SPAG9: variants seen among roughly 807,000 people sequenced by gnomAD.
The protein encoded by SPAG9 is C-Jun-amino-terminal kinase-interacting protein 4.
A neutral mutation model predicts 166.5 loss-of-function variants in SPAG9; 35 were observed. The observed-to-expected ratio is 0.21, with a 90% confidence interval of 0.16 to 0.28. The LOEUF is 0.28. Among genes scored for constraint, SPAG9 ranks in the 10% least tolerant of loss-of-function variants. The probability of loss-of-function intolerance (pLI) is 1.00; values close to 1 mark genes in which losing one functional copy is unlikely to be tolerated. For missense variants in SPAG9, 1,235 were observed against 1,603.3 expected, an observed-to-expected ratio of 0.77 and a Z score of 3.92; for synonymous variants, 534 against 565.5, an observed-to-expected ratio of 0.94 and a Z score of 0.79.
chr17:51,030,631 A>T (rs2046348841), intron 6 of SPAG9, among the ~76,000 whole-genome samples: 1 of 152,186 alleles, frequency 6.6e-6, no homozygotes, highest in Admixed American at 6.5e-5. Flanking sequence ...AGAGTCTGTG[A>T]CCCAAAGGAA....
chr17:51,104,856 C>T (rs1298151963), intron 1 of SPAG9, among the ~76,000 whole-genome samples: 1 of 142,986 alleles, frequency 7.0e-6, no homozygotes, highest in Non-Finnish European at 1.5e-5. Flanking sequence ...TGGCGTGAAC[C>T]TGGGAGGCGG....
Position 51,120,386 on chromosome 17 carries a change from G to A in SPAG9, c.271C>T (p.Arg91Trp). 10 of 1,606,832 alleles carry A rather than the reference G, an allele frequency of 6.2e-6. No individual in the cohort carries two copies. The highest frequency in any genetic ancestry group is 7.6e-6 in the Non-Finnish European group (9 of 1,177,202). Residue 91 changes from arginine (R) to tryptophan (W), a missense_variant, in exon 1 of 30, where the codon CGG (arginine) becomes TGG (tryptophan). Transcript: ENST00000262013. The surrounding 1 kb of genome is among the most constrained non-coding windows in gnomAD (Gnocchi z 4.7). ...GCGTGCTTGCGCAGCGCCTTCTCCC[G>A]CTCGTACTGGGTGATGAGCTGCTCG... ...DNEQLITQYEREKALRKHAEE... is the reference protein window; with the variant it reads ...DNEQLITQYEWEKALRKHAEE...
intron 3 of SPAG9, among the ~76,000 whole-genome samples, chr17:51,053,836 TAA>T (rs1196039200): frequency 4.0e-5 from 1 of 25,288 alleles, no homozygotes; most frequent in African/African-American, 1.4e-4. Flanking sequence ...AGACCCTAAT[TAA>T]AAAAAAAAAA....
At chr17:50,972,625 A>G (rs552490601) in intron 28 of SPAG9, among the ~76,000 whole-genome samples, 3 of 152,354 alleles carry the variant, frequency 2.0e-5, no homozygotes, top group East Asian at 1.9e-4. Context: ...CCTTTGGTCA[A>G]ACTACACAGA....
intron 3 of SPAG9, among the ~76,000 whole-genome samples, chr17:51,054,296 T>A (rs993185898): frequency 4.4e-4 from 67 of 151,324 alleles, no homozygotes; most frequent in African/African-American, 1.6e-3. Context: ...TTGTATATAT[T>A]TTTTTTGGTA....
intron 1 of SPAG9, among the ~76,000 whole-genome samples, chr17:51,107,208 A>G (rs2048977470): frequency 6.6e-6 from 1 of 152,054 alleles, no homozygotes; most frequent in South Asian, 2.1e-4. Context: ...GGAATGGGAT[A>G]AGGTAGAACT....
intron 3 of SPAG9, among the ~76,000 whole-genome samples, chr17:51,051,947 C>T (rs2047195525): frequency 6.6e-6 from 1 of 152,178 alleles, no homozygotes; most frequent in South Asian, 2.1e-4. Context: ...GATTAGCATA[C>T]ACATGTGGGC....
chr17:51,021,492 G>C, intron 6 of SPAG9, 127 bp from the exon 7 acceptor site: 1 of 703,508 alleles, frequency 1.4e-6, no homozygotes, highest in Non-Finnish European at 2.3e-6. Flanking sequence ...AGGCAATAAA[G>C]AGCCACTGAT....
intron 25 of SPAG9, 35 bp downstream of exon 25, chr17:50,982,489 T>C (rs1974734788): frequency 1.3e-6 from 2 of 1,571,122 alleles, no homozygotes; most frequent in Non-Finnish European, 1.7e-6. Flanking sequence ...TAATACAAAT[T>C]CAATAAATAC....
intron 1 of SPAG9, among the ~76,000 whole-genome samples, chr17:51,115,378 A>G (rs2049255605): frequency 6.6e-6 from 1 of 151,582 alleles, no homozygotes; most frequent in Non-Finnish European, 1.5e-5. Context: ...TTTTTGGGGA[A>G]GAGGGGTCTC....
chr17:51,053,852 A>ATATATATATATAT (rs1276804629), intron 3 of SPAG9, among the ~76,000 whole-genome samples: 4 of 49,330 alleles, frequency 8.1e-5, no homozygotes, highest in Admixed American at 3.1e-4. Flanking sequence ...AAAAAAAAAA[A>ATATATATATATAT]AAGTATATAT....
At chr17:51,098,327 T>G (rs902863115) in intron 1 of SPAG9, among the ~76,000 whole-genome samples, 10 of 74,808 alleles carry the variant, frequency 1.3e-4, no homozygotes, top group South Asian at 7.5e-4. Flanking sequence ...AGTTCGTGGT[T>G]TTTTTTTTCC....
intron 1 of SPAG9, among the ~76,000 whole-genome samples, chr17:51,095,919 A>C (rs2048610085): frequency 7.1e-6 from 1 of 141,490 alleles, no homozygotes; most frequent in African/African-American, 2.7e-5. Context: ...AGTGATATAT[A>C]TATAGTGATA....
intron 3 of SPAG9, 35 bp downstream of exon 3, chr17:51,056,377 A>C: frequency 8.2e-7 from 1 of 1,212,514 alleles, no homozygotes; most frequent in East Asian, 2.3e-5. Flanking sequence ...CTTTGTCTCA[A>C]TAATAGCATG....
intron 19 of SPAG9, among the ~76,000 whole-genome samples, chr17:50,991,923 CTTTTTTTTTTT>C (rs1023810785): frequency 3.2e-5 from 2 of 63,316 alleles, no homozygotes; most frequent in African/African-American, 6.3e-5. Context: ...CATGCCAGGT[CTTTTTTTTTTT>C]TTTTTTTTTT....
At chr17:51,008,375 G>GCAAAA (rs1032816257) in intron 9 of SPAG9, among the ~76,000 whole-genome samples, 1 of 151,458 alleles carries the variant, frequency 6.6e-6, no homozygotes, top group East Asian at 1.9e-4. Context: ...AAAAATCAAA[G>GCAAAA]CAAAACAAAA....
At chr17:50,999,809 TAC>T in intron 13 of SPAG9, 92 bp from the exon 14 acceptor site, 1 of 1,003,136 alleles carries the variant, frequency 1.0e-6, no homozygotes, top group East Asian at 2.5e-5. Flanking sequence ...GTTCATGGGA[TAC>T]ACAGAGGGGA....
intron 3 of SPAG9, 139 bp downstream of exon 3, chr17:51,056,273 T>TA (rs769112695): frequency 1.5e-6 from 1 of 652,248 alleles, no homozygotes; most frequent in Non-Finnish European, 2.7e-6. Context: ...ACATGAAATT[T>TA]AATGTTTTCT....
chr17:51,058,308 T>C (rs1318837930), intron 2 of SPAG9, among the ~76,000 whole-genome samples: 11 of 152,188 alleles, frequency 7.2e-5, no homozygotes, highest in Middle Eastern at 3.2e-3. Context: ...CATACAGTCC[T>C]AAGAACTGCA....
Sources: gnomAD v4.1 joint callset for allele counts (sites outside exome capture counted in the v4.1 genomes callset) on GRCh38, gnomAD v4.1.1 for gene constraint, Gnocchi (gnomAD v3.1) non-coding constraint, MANE v1.5 for transcripts, NCBI Gene and HGNC (gene_info 2026-07-23, HGNC 2026-07-21) for gene names.